Variants in PHACTR3 observed in about 807,000 individuals in gnomAD.
PHACTR3 encodes phosphatase and actin regulator 3, also known as protein phosphatase 1, regulatory subunit 123.
Under a neutral mutation model 66.8 loss-of-function variants are expected in PHACTR3, and 16 were observed. The ratio of observed to expected loss-of-function variants is 0.24; its 90% CI spans 0.16 to 0.36. The LOEUF (loss-of-function observed/expected upper bound fraction) is 0.36, where lower values mean the gene tolerates loss of function less well. PHACTR3 is among the 10% of genes least tolerant of loss of function. The pLI, the probability that PHACTR3 is intolerant of heterozygous loss-of-function variation, is 1.00. For synonymous variants in PHACTR3, 323 were observed against 292.1 expected (o/e 1.11, Z -1.08); for missense variants, 647 against 719.9 (o/e 0.90, Z 1.16).
At chr20:59,767,104 C>T in intron 4 of PHACTR3, 82 bp from the exon 5 acceptor site, 11 of 1,435,536 alleles carry the variant, frequency 7.7e-6, no homozygotes, top group Non-Finnish European at 9.6e-6. Context: ...CCCATCCCAC[C>T]AAACCCTCTT....
chr20:59,813,011 C>T (rs549578913), intron 8 of PHACTR3, among the ~76,000 whole-genome samples: 49 of 152,318 alleles, frequency 3.2e-4, no homozygotes, highest in Admixed American at 6.5e-4. Flanking sequence ...CCGGCTCACA[C>T]CTTGTGGACA....
At chr20:59,721,830 T>C (rs75688971) in intron 1 of PHACTR3, among the ~76,000 whole-genome samples, 5,033 of 152,292 alleles carry the variant, frequency 0.033, 175 homozygotes, top group South Asian at 0.11. Context: ...GGGCATACAA[T>C]GGTTGGACAA....
At chr20:59,660,887 G>A (rs959456161) in intron 1 of PHACTR3, among the ~76,000 whole-genome samples, 1 of 152,220 alleles carries the variant, frequency 6.6e-6, no homozygotes, top group African/African-American at 2.4e-5. Context: ...AGAAAGAAGG[G>A]AAATCAGGAG....
At chr20:59,734,079 A>T (rs1470020811) in intron 1 of PHACTR3, among the ~76,000 whole-genome samples, 1 of 151,758 alleles carries the variant, frequency 6.6e-6, no homozygotes, top group African/African-American at 2.4e-5. Context: ...CTCTTATCAC[A>T]GCCACACAGC....
At chr20:59,818,211 A>T (rs1244030153) in intron 8 of PHACTR3, among the ~76,000 whole-genome samples, 1 of 152,192 alleles carries the variant, frequency 6.6e-6, no homozygotes, top group African/African-American at 2.4e-5. Context: ...GTTTTCCAGC[A>T]TGTGGGCATG....
At chr20:59,668,646 G>T (rs190435029) in intron 1 of PHACTR3, among the ~76,000 whole-genome samples, 343 of 152,314 alleles carry the variant, frequency 2.3e-3, no homozygotes, top group African/African-American at 7.6e-3. Flanking sequence ...TTCAGGAAAT[G>T]ACATGTGCCT....
At chr20:59,798,881 T>G (rs2041331594) in intron 7 of PHACTR3, among the ~76,000 whole-genome samples, 1 of 152,112 alleles carries the variant, frequency 6.6e-6, no homozygotes, top group Non-Finnish European at 1.5e-5. Context: ...TTGTCTAGGT[T>G]CCTAAGATGG....
chr20:59,751,908 C>T (rs1217444803), intron 3 of PHACTR3, among the ~76,000 whole-genome samples: 1 of 152,132 alleles, frequency 6.6e-6, no homozygotes, highest in Admixed American at 6.5e-5. Flanking sequence ...TCCCCAGCCC[C>T]CTTGCCCTGG....
At chr20:59,664,377 C>T (rs922701066) in intron 1 of PHACTR3, among the ~76,000 whole-genome samples, 1 of 152,148 alleles carries the variant, frequency 6.6e-6, no homozygotes, top group African/African-American at 2.4e-5. Flanking sequence ...CCTTGGGCAG[C>T]CTACTCTGGT....
chr20:59,745,687 G>A (rs1003311845), intron 2 of PHACTR3, among the ~76,000 whole-genome samples: 5 of 152,184 alleles, frequency 3.3e-5, no homozygotes, highest in South Asian at 2.1e-4. Context: ...TTTGGTAGGC[G>A]AGGCTGGGGG....
At chr20:59,607,503 C>T (rs1179137873) in intron 1 of PHACTR3, among the ~76,000 whole-genome samples, 2 of 152,188 alleles carry the variant, frequency 1.3e-5, no homozygotes, top group Non-Finnish European at 2.9e-5. Context: ...ATGAAAGAGT[C>T]CAAGGTTGCG....
intron 3 of PHACTR3, among the ~76,000 whole-genome samples, chr20:59,750,906 C>T (rs746681611): frequency 2.6e-5 from 4 of 152,246 alleles, no homozygotes; most frequent in Non-Finnish European, 4.4e-5. Context: ...TCCTTCCCTG[C>T]ACCGCAGTTT....
At chr20:59,625,900 C>T (rs563484491) in intron 1 of PHACTR3, among the ~76,000 whole-genome samples, 5 of 152,084 alleles carry the variant, frequency 3.3e-5, no homozygotes, top group South Asian at 2.1e-4. Flanking sequence ...GAGGGTGCAC[C>T]GCTTGTATCT....
chr20:59,799,964 C>A (rs188967950), intron 7 of PHACTR3, among the ~76,000 whole-genome samples: 147 of 152,206 alleles, frequency 9.7e-4, no homozygotes, highest in South Asian at 4.8e-3. Flanking sequence ...ACCTCTTTGA[C>A]TATTTCCATA....
At chr20:59,781,622 A>G (rs147095283) in intron 7 of PHACTR3, among the ~76,000 whole-genome samples, 1 of 152,292 alleles carries the variant, frequency 6.6e-6, no homozygotes, top group East Asian at 1.9e-4. Flanking sequence ...AAAAGAAAAA[A>G]ATCTGATATT....
chr20:59,800,239 A>C (rs965665764), intron 7 of PHACTR3, among the ~76,000 whole-genome samples: 33 of 152,122 alleles, frequency 2.2e-4, no homozygotes, highest in African/African-American at 7.7e-4. Flanking sequence ...TGTGGTTACC[A>C]TTTCTATTAC....
intron 8 of PHACTR3, among the ~76,000 whole-genome samples, chr20:59,819,299 C>T (rs1254011373): frequency 6.6e-6 from 1 of 152,048 alleles, no homozygotes. Context: ...ACTGAGGCAC[C>T]TCCCTCTTAT....
At chr20:59,759,189 C>T (rs2039911792) in intron 4 of PHACTR3, among the ~76,000 whole-genome samples, 1 of 152,320 alleles carries the variant, frequency 6.6e-6, no homozygotes, top group East Asian at 1.9e-4. Context: ...CCCGAGGCCT[C>T]ATCCAGCCCT....
upstream of PHACTR3, among the ~76,000 whole-genome samples, chr20:59,602,576 C>G (rs770201838): frequency 7.9e-5 from 12 of 152,174 alleles, no homozygotes; most frequent in Non-Finnish European, 1.8e-4. Context: ...GGATGGTTGG[C>G]AAATGACAGA....
Sources: gnomAD v4.1 joint callset for allele counts (sites outside exome capture counted in the v4.1 genomes callset) on GRCh38, gnomAD v4.1.1 for gene constraint, MANE v1.5 for transcripts, NCBI Gene and HGNC (gene_info 2026-07-23, HGNC 2026-07-21) for gene names.